The following PTPN4 variants were observed in gnomAD, a reference collection of about 807,000 sequenced individuals.
PTPN4 encodes protein tyrosine phosphatase non-receptor type 4, also known as tyrosine-protein phosphatase non-receptor type 4.
A neutral mutation model predicts 135.5 loss-of-function variants in PTPN4; 49 were observed. The ratio of observed to expected loss-of-function variants is 0.36; its 90% confidence interval spans 0.29 to 0.46. The LOEUF is 0.46. PTPN4 is among the 20% of genes least tolerant of loss of function. The pLI is 1.00. For missense variants in PTPN4, 860 were observed against 1,101.0 expected, an observed-to-expected ratio of 0.78 and a Z score of 3.10; for synonymous variants, 333 against 369.9, an observed-to-expected ratio of 0.90 and a Z score of 1.14.
intron 12 of PTPN4, among the ~76,000 whole-genome samples, chr2:119,920,896 G>A (rs981783158): frequency 6.6e-6 from 1 of 152,292 alleles, no homozygotes; most frequent in East Asian, 1.9e-4. Context: ...TAAGAATCAT[G>A]TAGAAAGTTA....
intron 2 of PTPN4, among the ~76,000 whole-genome samples, chr2:119,826,207 T>C (rs1438057696): frequency 6.6e-6 from 1 of 152,234 alleles, no homozygotes; most frequent in Non-Finnish European, 1.5e-5. Flanking sequence ...CATATATTTA[T>C]AGAACACATT....
intron 1 of PTPN4, among the ~76,000 whole-genome samples, chr2:119,766,476 GTGTGTGTC>G (rs1294100596): frequency 0.048 from 5,973 of 125,364 alleles, 146 homozygotes; most frequent in South Asian, 0.071. Context: ...GTGTGTGTGT[GTGTGTGTC>G]TGTGTGTGTG....
chr2:119,953,140 A>G (rs1679233089), intron 19 of PTPN4, among the ~76,000 whole-genome samples: 1 of 152,134 alleles, frequency 6.6e-6, no homozygotes, highest in South Asian at 2.1e-4. Context: ...CTAAGAAAAA[A>G]GTTTTATATG....
rs544044487 is a variant in PTPN4 at position 119,833,241 on chromosome 2, T to C, written c.138+23250T>C. ...TTATTCTTTCCATGTGGCTATCTAG[T>C]TGGCTTATTGTTATCTCATTGAAAA... On this transcript the variant is annotated intron_variant, in intron 2 of 26. Transcript: ENST00000263708. 8.5e-5 allele frequency among the ~76,000 whole-genome samples: 13 copies of C among 152,206 alleles called. No individual in the cohort carries two copies. In the South Asian group the frequency reaches 2.7e-3, roughly 32 times the overall value.
intron 2 of PTPN4, among the ~76,000 whole-genome samples, chr2:119,858,137 A>G (rs1460702267): frequency 1.3e-5 from 2 of 152,214 alleles, no homozygotes; most frequent in African/African-American, 4.8e-5. Flanking sequence ...CTGAACAGAT[A>G]TCTGTGCTGT....
chr2:119,819,965 A>G (rs1677040275), intron 2 of PTPN4, among the ~76,000 whole-genome samples: 1 of 152,038 alleles, frequency 6.6e-6, no homozygotes, highest in Non-Finnish European at 1.5e-5. Context: ...GGCTCAAGGG[A>G]ATCCTCCCAC....
At chr2:119,968,515 C>T (rs1321867136) in intron 26 of PTPN4, among the ~76,000 whole-genome samples, 2 of 151,942 alleles carry the variant, frequency 1.3e-5, no homozygotes, top group African/African-American at 2.4e-5. Context: ...CGGCCGGGCG[C>T]GGTAGGTAGC....
intron 1 of PTPN4, among the ~76,000 whole-genome samples, chr2:119,800,022 C>G (rs1044571514): frequency 6.6e-6 from 1 of 152,132 alleles, no homozygotes; most frequent in Non-Finnish European, 1.5e-5. Flanking sequence ...TGAGTCGATA[C>G]ATTCTTTTTG....
intron 1 of PTPN4, among the ~76,000 whole-genome samples, chr2:119,780,383 A>G (rs138097138): frequency 1.3e-5 from 2 of 152,316 alleles, no homozygotes; most frequent in Non-Finnish European, 2.9e-5. Flanking sequence ...TCTGTATTCC[A>G]GATTTCTCCA....
At chr2:119,771,415 C>T (rs1418017252) in intron 1 of PTPN4, 1 of 152,180 alleles carries the variant, frequency 6.6e-6, no homozygotes, top group Admixed American at 6.5e-5. Context: ...CTGTTCTGCT[C>T]TGTCCTGGTT....
intron 1 of PTPN4, among the ~76,000 whole-genome samples, chr2:119,788,563 C>T (rs1006623640): frequency 1.3e-5 from 2 of 152,186 alleles, no homozygotes; most frequent in Non-Finnish European, 1.5e-5. Flanking sequence ...GAATGCTTTT[C>T]ATCTTTAAAG....
chr2:119,775,755 C>T (rs1265739345), intron 1 of PTPN4, among the ~76,000 whole-genome samples: 5 of 152,170 alleles, frequency 3.3e-5, no homozygotes, highest in Admixed American at 3.3e-4. Flanking sequence ...CATGACTTCA[C>T]AGGATTTACA....
chr2:119,965,431 T>G, intron 24 of PTPN4, 66 bp from the exon 25 acceptor site: 25 of 1,425,206 alleles, frequency 1.8e-5, no homozygotes, highest in Non-Finnish European at 2.2e-5. Context: ...ATGAATTTTA[T>G]GAGGTTTGTA....
chr2:119,881,558 G>A (rs1678078385), intron 5 of PTPN4, among the ~76,000 whole-genome samples: 1 of 152,058 alleles, frequency 6.6e-6, no homozygotes, highest in Non-Finnish European at 1.5e-5. Context: ...GGAAGCTAGT[G>A]GAAACAAGAC....
chr2:119,868,740 G>A (rs922260900), intron 3 of PTPN4, among the ~76,000 whole-genome samples: 2 of 152,196 alleles, frequency 1.3e-5, no homozygotes, highest in Non-Finnish European at 2.9e-5. Context: ...CCATCCCTTC[G>A]TTTCCCATAA....
At chr2:119,764,314 A>G (rs559561647) in intron 1 of PTPN4, among the ~76,000 whole-genome samples, 10 of 152,234 alleles carry the variant, frequency 6.6e-5, no homozygotes, top group Admixed American at 2.0e-4. Flanking sequence ...TTAAAAATAT[A>G]TAGGAGTTCC....
Position 119,981,471 on chromosome 2 carries a change from T to C in PTPN4, c.*4401T>C, listed in dbSNP as rs1026673550. On this transcript the variant is annotated 3_prime_UTR_variant, in exon 27 of 27. Transcript: ENST00000263708. Reference sequence around the variant, plus strand: ...TTTTATCAAATATCAGACTTACTGATCTCTTGGCAGAGATTTATTGGTGTC... The same window carrying C: ...TTTTATCAAATATCAGACTTACTGACCTCTTGGCAGAGATTTATTGGTGTC... 2.0e-5 allele frequency: 3 copies of C among 152,108 alleles called. No individual in the cohort carries two copies. Among genetic ancestry groups the C allele is most frequent in the African/African-American group, 7.2e-5 (3 of 41,446 alleles). The allele number at this position is 152,108 out of a possible 1,614,324, so 9.4% of individuals were successfully genotyped here.
chr2:119,885,854 T>G lies in PTPN4; in HGVS notation c.647T>G (p.Leu216Arg). 1 of 1,603,006 alleles carries G rather than the reference T, an allele frequency of 6.2e-7. No individual in the cohort carries two copies. The highest frequency in any genetic ancestry group is 8.5e-7 in the Non-Finnish European group (1 of 1,176,128). ...CTAAACACAGCACGTACCTTAGAAC[T>G]CTATGGAGTTGAATTCCACTATGCA... ...NYLNTARTLE[L>R]YGVEFHYARD... The change falls in exon 9 of 27, where the codon CTC becomes CGC. Residue 216 changes from leucine to arginine, a missense_variant. Physicochemically the swap from Leu to Arg is moderately radical, Grantham distance 102. Around this residue, in one of 2 missense-constraint regions of PTPN4, gnomAD observed 684 missense variants for 807.0 expected, o/e 0.85. Coordinates refer to ENST00000263708, the MANE Select transcript of PTPN4 (RefSeq NM_002830.4).
chr2:119,770,594 A>G (rs1690715630), intron 1 of PTPN4, among the ~76,000 whole-genome samples: 1 of 152,088 alleles, frequency 6.6e-6, no homozygotes, highest in Non-Finnish European at 1.5e-5. Context: ...TACTATATTA[A>G]TGCTTTGTAC....
Sources: allele counts gnomAD v4.1 joint callset (sites outside exome capture counted in the v4.1 genomes callset), GRCh38; gene constraint gnomAD v4.1.1; regional missense constraint gnomAD v4.1.1; transcripts MANE v1.5; gene names NCBI Gene and HGNC (gene_info 2026-07-23, HGNC 2026-07-21).